Variants in COL6A2 observed in about 807,000 individuals in gnomAD.
COL6A2 encodes the protein collagen alpha-2(VI) chain.
Under a neutral mutation model 124.9 loss-of-function variants are expected in COL6A2, and 90 were observed. The observed-to-expected ratio is 0.72, with a 90% CI of 0.61 to 0.86. The LOEUF is 0.86. COL6A2 is among the 40% of genes least tolerant of loss of function. The pLI, the probability that COL6A2 is intolerant of heterozygous loss-of-function variation, is 0.00. For missense variants in COL6A2, 1,607 were observed against 1,502.5 expected, an observed-to-expected ratio of 1.07 and a Z score of -1.15; for synonymous variants, 793 against 618.2, an observed-to-expected ratio of 1.28 and a Z score of -4.19.
intron 1 of COL6A2, among the ~76,000 whole-genome samples, chr21:46,101,265 T>C (rs1313586018): frequency 6.6e-6 from 1 of 151,162 alleles, no homozygotes; most frequent in Non-Finnish European, 1.5e-5. Flanking sequence ...TGATTGTTTT[T>C]TGTTGTTGAA....
chr21:46,109,443 G>A lies in COL6A2; in HGVS notation c.-27-2007G>A, dbSNP rs113787149. The stretch of plus-strand genomic sequence containing the variant: ...CTCTGGTCCGTAGGACGGGCAACCC[G>A]GCCCCCAGGCTTCAGGCCTGCCCCA... On this transcript the variant is annotated intron_variant, in intron 1 of 27. Transcript: ENST00000300527. 8.8e-3 allele frequency among the ~76,000 whole-genome samples: 1,338 copies of A among 152,264 alleles called. 28 individuals are homozygous for A. The highest frequency in any genetic ancestry group is 7.9e-3 in the Non-Finnish European group (535 of 68,000).
In COL6A2 at chr21:46,125,883, G is replaced by T; in HGVS notation, c.2068G>T (p.Ala690Ser). 6.2e-7 allele frequency: 1 copy of T among 1,613,154 alleles called. No homozygotes were observed. Among genetic ancestry groups the T allele is most frequent in the Non-Finnish European group, 8.5e-7 (1 of 1,179,984 alleles). The change falls in exon 26 of 28, where the codon GCT becomes TCT. Residue 690 changes from alanine to serine, a missense_variant. Physicochemically the swap from Ala to Ser is moderately conservative, Grantham distance 99. This residue lies in a region of COL6A2 where 1,223 missense variants were observed against 1,052.2 expected (regional missense o/e 1.16). Coordinates refer to ENST00000300527, the MANE Select transcript of COL6A2 (RefSeq NM_001849.4). The stretch of plus-strand genomic sequence containing the variant: ...CGACTCCCTGTCGAGCTTCAAGGAG[G>T]CTGTCAAGAACCTCGAGTGGATTGC... ...RIDSLSSFKE[A>S]VKNLEWIAGG...
chr21:46,099,639 CCCTACCCAG>C (rs2078265942), intron 1 of COL6A2, among the ~76,000 whole-genome samples: 1 of 152,134 alleles, frequency 6.6e-6, no homozygotes, highest in Non-Finnish European at 1.5e-5. Flanking sequence ...ATGGAAGGGG[CCCTACCCAG>C]CCCGCGGGGC....
chr21:46,113,592 C>T lies in COL6A2; in HGVS notation c.736-416C>T, dbSNP rs989165882. ...GAGGCTGAGGTGGGAGGATCGCTTT[C>T]GTATTGTTTTTTTGTAGAGATGGGA... On this transcript the variant is annotated intron_variant, in intron 4 of 27. Transcript: ENST00000300527. 6.7e-5 allele frequency: 16 copies of T among 238,808 alleles called. No individual in the cohort carries two copies. In the South Asian group the frequency reaches 7.3e-4, roughly 11 times the overall value. The allele number at this position is 238,808 out of a possible 1,614,324, so 14.8% of individuals were successfully genotyped here. A position where few individuals can be genotyped will look rare whatever the true frequency, so the allele number is the denominator to read the frequency against.
chr21:46,115,927 T>C lies in COL6A2; in HGVS notation c.855+2T>C, dbSNP rs113525292. The C allele has an allele frequency of 8.1e-6, 13 of 1,612,680 alleles. No homozygotes were observed. The highest frequency in any genetic ancestry group is 1.1e-5 in the Non-Finnish European group (13 of 1,179,930). ...GAGCCTGGCCAGAAGGGAAGACAGG[T>C]GAGTGTCCTTGCCCCACGCCCGCCC... On this transcript the variant is annotated splice_donor_variant, in intron 6 of 27. Transcript: ENST00000300527. LOFTEE classifies it high-confidence loss of function.
rs1291318648 is a variant in COL6A2 at position 46,112,425 on chromosome 21, T to G, written c.562T>G (p.Phe188Val). 9.9e-6 allele frequency: 16 copies of G among 1,609,230 alleles called. No homozygotes were observed. Among genetic ancestry groups the G allele is most frequent in the Non-Finnish European group, 1.4e-5 (16 of 1,179,484 alleles). ...ERAREEGIRL[F>V]AVAPNQNLKE... ...GGCCCGCGAGGAGGGCATCCGGCTCTTCGCCGTGGCCCCCAACCAGAACCT... is the reference window on the plus strand; with the variant it reads ...GGCCCGCGAGGAGGGCATCCGGCTCGTCGCCGTGGCCCCCAACCAGAACCT... The change falls in exon 3 of 28, where the codon TTC becomes GTC. Residue 188 changes from phenylalanine to valine, a missense_variant. This residue lies in a region of COL6A2 where 342 missense variants were observed against 381.5 expected (regional missense o/e 0.90). Transcript: ENST00000300527.
At chr21:46,125,122 G>A in intron 23 of COL6A2, 144 bp from the exon 24 acceptor site, 7 of 1,023,608 alleles carry the variant, frequency 6.8e-6, no homozygotes, top group Middle Eastern at 2.2e-4. Flanking sequence ...CAGCGAGGTT[G>A]GTAGGGACAG....
In COL6A2 at chr21:46,132,550, T is replaced by C. The variant is rs886044576; in HGVS notation, c.3058T>C (p.Ter1020GlnextTer85). The change falls in exon 28 of 28, where the codon TAG becomes CAG. Residue 1020 changes from the stop codon to glutamine, a stop_lost. Transcript: ENST00000300527. ...FFDRFIRWIC[*>Q] Reference sequence around the variant, plus strand: ...CGACCGCTTCATCCGCTGGATCTGCTAGCGCCGCCGCCCGGGCCCCGCAGT... The same window carrying C: ...CGACCGCTTCATCCGCTGGATCTGCCAGCGCCGCCGCCCGGGCCCCGCAGT... The C allele has an allele frequency of 1.9e-6, 3 of 1,596,620 alleles. No individual in the cohort carries two copies. Among genetic ancestry groups the C allele is most frequent in the South Asian group, 2.2e-5 (2 of 89,954 alleles).
At chr21:46,128,688 G>A (rs1266709586) in intron 27 of COL6A2, among the ~76,000 whole-genome samples, 1 of 152,244 alleles carries the variant, frequency 6.6e-6, no homozygotes, top group Non-Finnish European at 1.5e-5. Context: ...CTGAGCTCCA[G>A]TCGGTGGAAA....
intron 26 of COL6A2, 32 bp from the exon 27 acceptor site, chr21:46,126,471 T>TGGCCTGGCCCGGCCC (rs2078670442): frequency 9.4e-6 from 15 of 1,599,952 alleles, no homozygotes; most frequent in Non-Finnish European, 1.3e-5. Flanking sequence ...GGACTGACCC[T>TGGCCTGGCCCGGCCC]GGCCTGGCCC....
chr21:46,123,678 T>G (rs1447182707), intron 21 of COL6A2, among the ~76,000 whole-genome samples: 1 of 86,828 alleles, frequency 1.2e-5, no homozygotes, highest in Non-Finnish European at 2.5e-5. Context: ...AGTAGATGTA[T>G]GGGTGAGTAG....
Position 46,132,803 on chromosome 21 carries a change from CCT to C in COL6A2, c.*252_*253del, listed in dbSNP as rs2078781575. ...CCCAAGGCTCCTGACCTACCTGGCC[CCT>C]GAGCTCTGGAGCAAGCCCTGACCCA... On this transcript the variant is annotated 3_prime_UTR_variant, in exon 28 of 28. Coordinates refer to ENST00000300527, the MANE Select transcript of COL6A2 (RefSeq NM_001849.4). 3.5e-6 allele frequency: 2 copies of C among 576,452 alleles called. No homozygotes were observed. Among genetic ancestry groups the C allele is most frequent in the Admixed American group, 3.0e-5 (1 of 32,982 alleles). 35.7% of individuals were successfully genotyped at this position (576,452 alleles called of 1,614,324 possible).
intron 27 of COL6A2, 36 bp from the exon 28 acceptor site, chr21:46,131,918 C>G (rs2078765173): frequency 6.5e-7 from 1 of 1,546,446 alleles, no homozygotes; most frequent in Non-Finnish European, 8.7e-7. Flanking sequence ...CTGCCCACCT[C>G]CCCTCCGCCC....
At position 46,132,068 on chromosome 21, in the gene COL6A2, T is replaced by C; in HGVS notation, c.2576T>C (p.Val859Ala). ...AAGGCCCGGCGCTTCGTGGAGCAGG[T>C]GGCGCGGCGGCTGACGCTGGCCCGG... ...FHKARRFVEQ[V>A]ARRLTLARRD... is the part of the protein sequence containing the mutation. Residue 859 changes from valine (V) to alanine (A), a missense_variant, in exon 28 of 28, where the codon GTG becomes GCG. By Grantham distance (64) the Val-to-Ala change is moderately conservative (BLOSUM62 0). Transcript: ENST00000300527. 1 of 1,604,890 alleles carries C rather than the reference T, an allele frequency of 6.2e-7. No homozygotes were observed. Among genetic ancestry groups the C allele is most frequent in the Non-Finnish European group, 8.5e-7 (1 of 1,177,966 alleles).
intron 11 of COL6A2, 42 bp downstream of exon 11, chr21:46,117,495 G>A (rs1287257286): frequency 1.2e-6 from 2 of 1,600,438 alleles, no homozygotes; most frequent in Non-Finnish European, 1.7e-6. Context: ...CGGCCCAGGG[G>A]GTGTGGGTGC....
intron 27 of COL6A2, among the ~76,000 whole-genome samples, chr21:46,131,487 C>T (rs1044374440): frequency 1.3e-5 from 2 of 152,208 alleles, no homozygotes; most frequent in African/African-American, 2.4e-5. Flanking sequence ...GTGGCCCAGC[C>T]AGCTCTAGGT....
chr21:46,103,656 A>T (rs2078309439), intron 1 of COL6A2, among the ~76,000 whole-genome samples: 1 of 152,118 alleles, frequency 6.6e-6, no homozygotes, highest in Non-Finnish European at 1.5e-5. Context: ...TTCTTCTCTG[A>T]TCCTTGGTTA....
At chr21:46,118,757 C>A in intron 13 of COL6A2, 81 bp downstream of exon 13, 1 of 1,472,678 alleles carries the variant, frequency 6.8e-7, no homozygotes, top group Admixed American at 1.9e-5. Flanking sequence ...ACGCTGGCCA[C>A]CATCTCTGCT....
At chr21:46,117,477 T>C in intron 11 of COL6A2, 24 bp downstream of exon 11, 8 of 1,611,476 alleles carry the variant, frequency 5.0e-6, no homozygotes, top group Non-Finnish European at 5.1e-6. Flanking sequence ...GCACCCCTCC[T>C]TCAGCCTCGG....
Sources: gnomAD v4.1 joint callset for allele counts (sites outside exome capture counted in the v4.1 genomes callset) on GRCh38, gnomAD v4.1.1 for gene constraint, gnomAD v4.1.1 regional missense constraint, MANE v1.5 for transcripts, NCBI Gene and HGNC (gene_info 2026-07-23, HGNC 2026-07-21) for gene names.